Variants in HERC4 observed in about 807,000 individuals in gnomAD.
The protein encoded by HERC4 is probable E3 ubiquitin-protein ligase HERC4.
In HERC4, 28 loss-of-function variants were observed where a neutral mutation model predicts 124.3. That is an observed-to-expected ratio of 0.23 (90% confidence interval 0.17 to 0.31). The LOEUF is 0.31. HERC4 is among the 10% of genes least tolerant of loss of function. The pLI, the probability that HERC4 is intolerant of heterozygous loss-of-function variation, is 1.00. For missense variants in HERC4, 713 were observed against 1,229.3 expected, an observed-to-expected ratio of 0.58 and a Z score of 6.28; for synonymous variants, 407 against 421.5, an observed-to-expected ratio of 0.97 and a Z score of 0.42.
At position 67,991,206 on chromosome 10, in the gene HERC4, A is replaced by C; in HGVS notation, c.1272-7T>G. ...AAACGTTCCATCTATCTCACTAAAA[A>C]ATTTAAAAAAGTTTTTTTAATCATA... is the stretch of plus-strand genomic sequence containing the variant. On this transcript the variant is annotated splice_polypyrimidine_tract_variant and splice_region_variant and intron_variant, in intron 11 of 24. Coordinates refer to ENST00000373700, the MANE Select transcript of HERC4 (RefSeq NM_015601.4). The C allele has an allele frequency of 6.6e-7, 1 of 1,508,358 alleles. No homozygotes were observed. Among genetic ancestry groups the C allele is most frequent in the Non-Finnish European group, 8.9e-7 (1 of 1,126,024 alleles). 93.4% of individuals were successfully genotyped at this position (1,508,358 alleles called of 1,614,324 possible). A position where few individuals can be genotyped will look rare whatever the true frequency, so the allele number is the denominator to read the frequency against.
At chr10:68,021,346 GTAATA>G (rs1246104357) in intron 8 of HERC4, among the ~76,000 whole-genome samples, 1 of 152,156 alleles carries the variant, frequency 6.6e-6, no homozygotes, top group Non-Finnish European at 1.5e-5. Context: ...TGTAATCAAT[GTAATA>G]TATCAAATTA....
At chr10:68,059,479 T>TATTATATATTATAATATTATATATAAC (rs1370634042) in intron 3 of HERC4, among the ~76,000 whole-genome samples, 1 of 128,742 alleles carries the variant, frequency 7.8e-6, no homozygotes. Flanking sequence ...TATATTATAA[T>TATTATATATTATAATATTATATATAAC]ATTATATATT....
At chr10:67,939,481 G>T in intron 21 of HERC4, 107 bp downstream of exon 21, 1 of 690,902 alleles carries the variant, frequency 1.4e-6, no homozygotes, top group Non-Finnish European at 2.4e-6. Flanking sequence ...TTAGCTAAAG[G>T]GTTCTTTAAG....
At position 67,988,571 on chromosome 10, in the gene HERC4, C is replaced by G. The variant is rs539021675; in HGVS notation, c.1806+92G>C. 3.0e-5 allele frequency: 27 copies of G among 885,544 alleles called. No homozygotes were observed. In the East Asian group the frequency reaches 5.7e-4, roughly 19 times the overall value. 54.9% of individuals were successfully genotyped at this position (885,544 alleles called of 1,614,324 possible). A position where few individuals can be genotyped will look rare whatever the true frequency, so the allele number is the denominator to read the frequency against. ...TATAATATGCATTGTTTTTGCCAATCTAAATCTTTAATAGATTAATGTTAA... is the reference window on the plus strand; with the variant it reads ...TATAATATGCATTGTTTTTGCCAATGTAAATCTTTAATAGATTAATGTTAA... On this transcript the variant is annotated intron_variant, in intron 15 of 24. Coordinates refer to ENST00000373700, the MANE Select transcript of HERC4 (RefSeq NM_015601.4).
intron 9 of HERC4, chr10:68,010,374 C>G: frequency 1.0e-6 from 1 of 960,732 alleles, no homozygotes; most frequent in South Asian, 1.4e-5. Context: ...CACTGGTGCC[C>G]CTGAGAAAGG....
intron 23 of HERC4, among the ~76,000 whole-genome samples, chr10:67,931,266 G>A (rs915264841): frequency 5.9e-5 from 9 of 152,110 alleles, no homozygotes; most frequent in Non-Finnish European, 1.3e-4. Flanking sequence ...TTACAGGCAT[G>A]AGCCACCACA....
chr10:67,966,693 G>A lies in HERC4; in HGVS notation c.1916C>T (p.Ala639Val), dbSNP rs1380842354. ...NDYINWVQQQAYGMLADIPVT... is the reference protein window; with the variant it reads ...NDYINWVQQQVYGMLADIPVT... Reference sequence around the variant, plus strand: ...GCACAGAAAACCTACCATTCCATAGGCCTGCTGTTGGACCCAGTTGATATA... The same window carrying A: ...GCACAGAAAACCTACCATTCCATAGACCTGCTGTTGGACCCAGTTGATATA... The change falls in exon 16 of 25, where the codon GCC (alanine) becomes GTC (valine). Residue 639 changes from alanine (A) to valine (V), a missense_variant. Physicochemically the swap from Ala to Val is moderately conservative, Grantham distance 64 (BLOSUM62 0). Coordinates refer to ENST00000373700, the MANE Select transcript of HERC4 (RefSeq NM_015601.4). 1.2e-6 allele frequency: 2 copies of A among 1,607,610 alleles called. No individual in the cohort carries two copies. The highest frequency in any genetic ancestry group is 1.7e-6 in the Non-Finnish European group (2 of 1,177,462).
intron 3 of HERC4, among the ~76,000 whole-genome samples, chr10:68,071,132 T>G (rs375720287): frequency 6.6e-6 from 1 of 152,118 alleles, no homozygotes; most frequent in Admixed American, 6.5e-5. Flanking sequence ...TATCCCAAAT[T>G]AGGGAAACCC....
At chr10:68,027,399 GTACTTTAAAGCAAA>G (rs1454792163) in intron 7 of HERC4, among the ~76,000 whole-genome samples, 1 of 152,128 alleles carries the variant, frequency 6.6e-6, no homozygotes, top group Non-Finnish European at 1.5e-5. Context: ...AAGAACTTGA[GTACTTTAAAGCAAA>G]TTGTGGTCAT....
At chr10:68,003,871 T>C (rs139370130) in intron 9 of HERC4, among the ~76,000 whole-genome samples, 43 of 152,346 alleles carry the variant, frequency 2.8e-4, no homozygotes, top group African/African-American at 9.9e-4. Context: ...TTTGGGTGTA[T>C]ACCCAGCAAT....
chr10:68,030,331 C>T (rs1401848017), intron 7 of HERC4, among the ~76,000 whole-genome samples: 2 of 151,904 alleles, frequency 1.3e-5, no homozygotes, highest in African/African-American at 4.8e-5. Flanking sequence ...ATCCCAGCTA[C>T]TTGGGAGGCT....
chr10:68,074,859 T>A (rs1431699119), intron 1 of HERC4: 1 of 152,670 alleles, frequency 6.6e-6, no homozygotes, highest in East Asian at 1.9e-4. Context: ...AAGCGCCCTA[T>A]GCCGGGCCGG....
intron 6 of HERC4, 88 bp downstream of exon 6, chr10:68,033,877 T>C: frequency 9.3e-7 from 1 of 1,079,108 alleles, no homozygotes; most frequent in Non-Finnish European, 1.4e-6. Context: ...GAAGATACAT[T>C]TCTCTCTTAC....
At chr10:68,012,917 T>C (rs914299082) in intron 9 of HERC4, among the ~76,000 whole-genome samples, 7 of 152,234 alleles carry the variant, frequency 4.6e-5, no homozygotes, top group African/African-American at 1.4e-4. Flanking sequence ...AATTTAGCGA[T>C]ATAAGACAAT....
intron 22 of HERC4, among the ~76,000 whole-genome samples, chr10:67,933,042 T>C (rs1323107575): frequency 1.3e-5 from 2 of 152,186 alleles, no homozygotes; most frequent in Admixed American, 6.5e-5. Flanking sequence ...CATTTCCTAA[T>C]GGGCAGAATG....
At chr10:67,947,843 T>A (rs1331452693) in intron 19 of HERC4, among the ~76,000 whole-genome samples, 3 of 144,866 alleles carry the variant, frequency 2.1e-5, no homozygotes, top group African/African-American at 7.6e-5. Flanking sequence ...TACACTCTTT[T>A]TTTTTTTTTT....
At chr10:67,975,396 G>T (rs1446371704) in intron 15 of HERC4, among the ~76,000 whole-genome samples, 1 of 152,086 alleles carries the variant, frequency 6.6e-6, no homozygotes, top group Non-Finnish European at 1.5e-5. Context: ...TATAACTCAT[G>T]CATTCTATTT....
intron 19 of HERC4, among the ~76,000 whole-genome samples, chr10:67,947,229 T>A (rs2033437501): frequency 6.6e-6 from 1 of 152,146 alleles, no homozygotes; most frequent in Admixed American, 6.5e-5. Context: ...AACAAGTCTT[T>A]AAAAAAATAC....
At chr10:68,060,747 AC>A (rs2040964107) in intron 3 of HERC4, among the ~76,000 whole-genome samples, 1 of 152,148 alleles carries the variant, frequency 6.6e-6, no homozygotes, top group South Asian at 2.1e-4. Flanking sequence ...TCAGGCTTCT[AC>A]CTAGTAACTC....
Sources: allele counts gnomAD v4.1 joint callset (sites outside exome capture counted in the v4.1 genomes callset), GRCh38; gene constraint gnomAD v4.1.1; transcripts MANE v1.5; gene names NCBI Gene and HGNC (gene_info 2026-07-23, HGNC 2026-07-21).